RBFOX1: variants seen among roughly 807,000 people sequenced by gnomAD.
RBFOX1 encodes RNA binding protein fox-1 homolog 1.
RBFOX1 carries 8 observed loss-of-function variants against 57.7 expected under a neutral mutation model. That is an observed-to-expected ratio of 0.14 (90% CI 0.08 to 0.25). The LOEUF (loss-of-function observed/expected upper bound fraction) is 0.25, where lower values mean the gene tolerates loss of function less well. RBFOX1 is among the 10% of genes least tolerant of loss of function. The pLI is 1.00. For synonymous variants in RBFOX1, 326 were observed against 222.4 expected (o/e 1.47, Z -4.15); for missense variants, 611 against 548.5 (o/e 1.11, Z -1.14).
chr16:6,629,403 G>C (rs1791557576), intron 2 of RBFOX1, among the ~76,000 whole-genome samples: 1 of 152,188 alleles, frequency 6.6e-6, no homozygotes, highest in South Asian at 2.1e-4. Context: ...AGTACCAACA[G>C]CTACAATTTT....
At chr16:7,154,462 C>G (rs1225599217) in intron 4 of RBFOX1, among the ~76,000 whole-genome samples, 4 of 152,192 alleles carry the variant, frequency 2.6e-5, no homozygotes, top group African/African-American at 9.6e-5. Flanking sequence ...CTAAGATTTA[C>G]CTGACAAGAG....
At chr16:5,739,231 T>C (rs2052688936) in intron 3 of RBFOX1, among the ~76,000 whole-genome samples, 1 of 152,188 alleles carries the variant, frequency 6.6e-6, no homozygotes, top group Admixed American at 6.5e-5. Context: ...AAACTCATGA[T>C]TGAGGGGGAA....
At chr16:6,882,411 A>G (rs1052985069) in intron 3 of RBFOX1, among the ~76,000 whole-genome samples, 2 of 152,072 alleles carry the variant, frequency 1.3e-5, no homozygotes, top group African/African-American at 4.8e-5. Context: ...CCTGGCCAAC[A>G]TGATGAAACC....
At chr16:5,351,843 G>T (rs1025414775) in intron 1 of RBFOX1, among the ~76,000 whole-genome samples, 2 of 152,210 alleles carry the variant, frequency 1.3e-5, no homozygotes, top group African/African-American at 4.8e-5. Context: ...CACTCTTGTT[G>T]CCCAGGCTGG....
At chr16:7,385,541 G>A (rs1278898328) in intron 4 of RBFOX1, among the ~76,000 whole-genome samples, 1 of 152,150 alleles carries the variant, frequency 6.6e-6, no homozygotes, top group African/African-American at 2.4e-5. Context: ...GAGTGAGCTT[G>A]CAGAAGTTCT....
At chr16:6,768,208 C>G (rs1190874246) in intron 3 of RBFOX1, among the ~76,000 whole-genome samples, 1 of 151,930 alleles carries the variant, frequency 6.6e-6, no homozygotes, top group Non-Finnish European at 1.5e-5. Context: ...AAAAACAAAA[C>G]AAGACCGAAA....
intron 3 of RBFOX1, among the ~76,000 whole-genome samples, chr16:7,021,660 C>A (rs2039154271): frequency 6.8e-6 from 1 of 147,378 alleles, no homozygotes; most frequent in Non-Finnish European, 1.5e-5. Flanking sequence ...ATTTTTATTT[C>A]CCTCAGCCTA....
chr16:6,434,547 G>A (rs2094183195), intron 2 of RBFOX1, among the ~76,000 whole-genome samples: 1 of 152,124 alleles, frequency 6.6e-6, no homozygotes, highest in South Asian at 2.1e-4. Context: ...GTCGCATAGT[G>A]CCTGGCACAT....
chr16:7,256,275 C>T (rs2094679317), intron 4 of RBFOX1, among the ~76,000 whole-genome samples: 1 of 152,268 alleles, frequency 6.6e-6, no homozygotes, highest in Non-Finnish European at 1.5e-5. Context: ...CTCTGGGGTT[C>T]TGATGAGGGG....
At chr16:7,656,015 C>T (rs1597409738) in intron 12 of RBFOX1, among the ~76,000 whole-genome samples, 1 of 118,872 alleles carries the variant, frequency 8.4e-6, no homozygotes, top group East Asian at 5.2e-4. Context: ...TTTGTAACTA[C>T]TTGGGATGAA....
chr16:7,010,771 G>T (rs1011256311), intron 3 of RBFOX1, among the ~76,000 whole-genome samples: 1 of 152,180 alleles, frequency 6.6e-6, no homozygotes, highest in East Asian at 1.9e-4. Context: ...CTCCATGTTG[G>T]CCAGGCTGGT....
intron 1 of RBFOX1, among the ~76,000 whole-genome samples, chr16:6,310,122 G>C (rs924801972): frequency 6.6e-6 from 1 of 152,166 alleles, no homozygotes; most frequent in African/African-American, 2.4e-5. Context: ...TTCTGACCTC[G>C]TGATCCGCCC....
intron 3 of RBFOX1, among the ~76,000 whole-genome samples, chr16:6,722,446 C>G (rs954987050): frequency 6.6e-6 from 1 of 152,222 alleles, no homozygotes; most frequent in Non-Finnish European, 1.5e-5. Context: ...ATCTCATTCT[C>G]TTCCATCCAC....
In RBFOX1 at chr16:6,198,817, T is replaced by C. The variant is rs922062811; in HGVS notation, c.-126-118178T>C. ...TAATACTAATATAAACAAAATTATA[T>C]TGAGGGAAAATGATGTTTATAGAGT... On this transcript the variant is annotated intron_variant, in intron 1 of 15. Transcript: ENST00000550418. 2.6e-5 allele frequency among the ~76,000 whole-genome samples: 4 copies of C among 152,084 alleles called. No homozygotes were observed. In the East Asian group the frequency reaches 7.7e-4, roughly 29 times the overall value.
chr16:6,536,298 C>T (rs1034448380), intron 2 of RBFOX1, among the ~76,000 whole-genome samples: 8 of 152,108 alleles, frequency 5.3e-5, no homozygotes, highest in Non-Finnish European at 1.2e-4. Context: ...CAGCAAATCT[C>T]GTGGGAAGGA....
At chr16:5,579,765 T>G (rs888797178) in intron 2 of RBFOX1, among the ~76,000 whole-genome samples, 1 of 151,740 alleles carries the variant, frequency 6.6e-6, no homozygotes, top group Non-Finnish European at 1.5e-5. Context: ...TCTTTCTTTT[T>G]TTTTTTTTCC....
intron 4 of RBFOX1, among the ~76,000 whole-genome samples, chr16:7,504,759 A>T (rs1411001308): frequency 1.6e-3 from 14 of 8,666 alleles, no homozygotes; most frequent in Non-Finnish European, 4.8e-3. Context: ...ATATATTTAT[A>T]TATATATATA....
At chr16:5,937,304 A>C (rs1469649247) in intron 4 of RBFOX1, among the ~76,000 whole-genome samples, 2 of 152,184 alleles carry the variant, frequency 1.3e-5, no homozygotes, top group African/African-American at 4.8e-5. Flanking sequence ...AACACTGGAA[A>C]GAGAGAAGTG....
chr16:5,467,287 C>T, intron 2 of RBFOX1: 1 of 1,461,646 alleles, frequency 6.8e-7, no homozygotes, highest in Non-Finnish European at 9.2e-7. Context: ...CTTAGGATGT[C>T]TGTGAAGTCT....
Sources: gnomAD v4.1 joint callset for allele counts (sites outside exome capture counted in the v4.1 genomes callset) on GRCh38, gnomAD v4.1.1 for gene constraint, MANE v1.5 for transcripts, NCBI Gene and HGNC (gene_info 2026-07-23, HGNC 2026-07-21) for gene names.